The following ATRN variants were observed in gnomAD, a reference collection of about 807,000 sequenced individuals.
The protein encoded by ATRN is attractin-2.
In ATRN, 54 loss-of-function variants were observed where a neutral mutation model predicts 178.7. The observed-to-expected ratio is 0.30, with a 90% CI of 0.24 to 0.38. The LOEUF is 0.38. ATRN is among the 10% of genes least tolerant of loss of function. The pLI, the probability that ATRN is intolerant of heterozygous loss-of-function variation, is 1.00. For missense variants in ATRN, 1,443 were observed against 1,815.1 expected, an observed-to-expected ratio of 0.79 and a Z score of 3.73; for synonymous variants, 636 against 663.0, an observed-to-expected ratio of 0.96 and a Z score of 0.63.
At chr20:3,626,532 ACTTCAGGCTT>A (rs2086941382) in intron 25 of ATRN, among the ~76,000 whole-genome samples, 2 of 152,142 alleles carry the variant, frequency 1.3e-5, no homozygotes, top group Non-Finnish European at 2.9e-5. Flanking sequence ...CACCCAGAAC[ACTTCAGGCTT>A]CTTATTTCTT....
intron 1 of ATRN, among the ~76,000 whole-genome samples, chr20:3,498,935 C>T (rs1451932098): frequency 7.7e-6 from 1 of 130,512 alleles, no homozygotes; most frequent in East Asian, 2.0e-4. Flanking sequence ...TAGAAAACCC[C>T]ATCGTCTCAG....
At chr20:3,615,803 G>A (rs2146307325) in intron 24 of ATRN, 1 of 454,720 alleles carries the variant, frequency 2.2e-6, no homozygotes, top group South Asian at 1.6e-5. Flanking sequence ...ACAAAAAACT[G>A]AACACCGCTT....
intron 1 of ATRN, among the ~76,000 whole-genome samples, chr20:3,518,226 G>A (rs1010598716): frequency 3.3e-5 from 5 of 152,118 alleles, no homozygotes; most frequent in Admixed American, 2.0e-4. Flanking sequence ...CACTGCATTC[G>A]AATTTCATCC....
rs188481025 is a variant in ATRN, at chr20:3,484,400, A to G, written c.410+12883A>G. ...TACTCTTCTATATTTTACTTCCTCA[A>G]AATTTAAAATTTTTGCTTTATTCCA... On this transcript the variant is annotated intron_variant, in intron 1 of 28. Transcript: ENST00000262919. Among the ~76,000 whole-genome samples, 38 of 152,228 alleles carry G rather than the reference A, an allele frequency of 2.5e-4. No homozygotes were observed. In the East Asian group the frequency reaches 6.9e-3, roughly 28 times the overall value.
chr20:3,552,435 C>CTA (rs74375093), intron 6 of ATRN, among the ~76,000 whole-genome samples: 120,787 of 151,578 alleles, frequency 0.8, 48,423 homozygotes, highest in East Asian at 1. Context: ...CCAGATGTCC[C>CTA]CCCCAGTTAA....
At chr20:3,599,249 AT>A (rs1331658115) in intron 22 of ATRN, among the ~76,000 whole-genome samples, 1 of 152,240 alleles carries the variant, frequency 6.6e-6, no homozygotes, top group Non-Finnish European at 1.5e-5. Context: ...CAAAAGTACC[AT>A]ATATGAAATG....
At chr20:3,524,545 C>G (rs914929944) in intron 1 of ATRN, among the ~76,000 whole-genome samples, 4 of 152,162 alleles carry the variant, frequency 2.6e-5, no homozygotes, top group Non-Finnish European at 5.9e-5. Flanking sequence ...GACTTGAACT[C>G]AGCTCTGGAC....
At chr20:3,514,241 A>C (rs1433567659) in intron 1 of ATRN, among the ~76,000 whole-genome samples, 2 of 152,218 alleles carry the variant, frequency 1.3e-5, no homozygotes, top group Non-Finnish European at 2.9e-5. Context: ...ACCAACTTAT[A>C]AAAAGAAAAC....
chr20:3,530,430 A>AT (rs947613232), intron 1 of ATRN, among the ~76,000 whole-genome samples: 10 of 146,258 alleles, frequency 6.8e-5, no homozygotes, highest in African/African-American at 1.8e-4. Flanking sequence ...TGCCTGGCTA[A>AT]TTTTTTTTTC....
At chr20:3,631,155 GC>G (rs1317480712) in intron 25 of ATRN, among the ~76,000 whole-genome samples, 1 of 151,410 alleles carries the variant, frequency 6.6e-6, no homozygotes, top group Non-Finnish European at 1.5e-5. Context: ...TCACTATATT[GC>G]CCAGGCTGGT....
At chr20:3,604,913 T>C (rs776262094) in intron 24 of ATRN, among the ~76,000 whole-genome samples, 2 of 152,182 alleles carry the variant, frequency 1.3e-5, no homozygotes, top group Admixed American at 6.5e-5. Context: ...CTCCCTCTTG[T>C]CCGAGACCCA....
intron 1 of ATRN, among the ~76,000 whole-genome samples, chr20:3,473,713 C>G (rs1271456949): frequency 6.6e-6 from 1 of 152,142 alleles, no homozygotes; most frequent in African/African-American, 2.4e-5. Flanking sequence ...ACCTGGGACA[C>G]TGTGGTAGGC....
In ATRN at chr20:3,579,206, C is replaced by G. The variant is rs548802227; in HGVS notation, c.2544+434C>G. ...TACCACTAAGAAGTGTACATCTCAG[C>G]TGGATGTGGTGGCTCACACCTGTAA... On this transcript the variant is annotated intron_variant, in intron 15 of 28. Transcript: ENST00000262919. Among the ~76,000 whole-genome samples the G allele has an allele frequency of 6.6e-5, 10 of 152,244 alleles. No homozygotes were observed. In the South Asian group the frequency reaches 2.1e-3, roughly 32 times the overall value.
At chr20:3,495,958 G>A (rs1410057175) in intron 1 of ATRN, among the ~76,000 whole-genome samples, 1 of 152,060 alleles carries the variant, frequency 6.6e-6, no homozygotes, top group African/African-American at 2.4e-5. Context: ...AAACAGGGAT[G>A]GAGGCTAGAC....
At chr20:3,496,800 C>T (rs1360859898) in intron 1 of ATRN, among the ~76,000 whole-genome samples, 1 of 151,416 alleles carries the variant, frequency 6.6e-6, no homozygotes, top group African/African-American at 2.4e-5. Flanking sequence ...GAGTCTAAGT[C>T]TCTTTGTAGG....
chr20:3,640,393 A>G (rs947231775), intron 27 of ATRN, among the ~76,000 whole-genome samples: 2 of 152,196 alleles, frequency 1.3e-5, no homozygotes, highest in Non-Finnish European at 2.9e-5. Context: ...TCCAACTCAT[A>G]TATATTTCCA....
intron 5 of ATRN, 21 bp from the exon 6 acceptor site, chr20:3,549,149 A>C: frequency 6.4e-7 from 1 of 1,559,126 alleles, no homozygotes; most frequent in Non-Finnish European, 8.6e-7. Context: ...TTGTGAAGCT[A>C]ATTCATTATG....
intron 22 of ATRN, among the ~76,000 whole-genome samples, chr20:3,598,671 A>G (rs553652278): frequency 8.5e-5 from 13 of 152,392 alleles, no homozygotes; most frequent in Admixed American, 1.3e-4. Flanking sequence ...ACTGCGGGAC[A>G]TTTAAAACTG....
At chr20:3,536,689 G>A (rs1345414461) in intron 2 of ATRN, among the ~76,000 whole-genome samples, 1 of 151,984 alleles carries the variant, frequency 6.6e-6, no homozygotes, top group Non-Finnish European at 1.5e-5. Context: ...TTACATTTTT[G>A]CAAATCTCTT....
Sources: gnomAD v4.1 joint callset for allele counts (sites outside exome capture counted in the v4.1 genomes callset) on GRCh38, gnomAD v4.1.1 for gene constraint, MANE v1.5 for transcripts, NCBI Gene and HGNC (gene_info 2026-07-23, HGNC 2026-07-21) for gene names.